The following CNST variants were observed in gnomAD, a reference collection of about 807,000 sequenced individuals.
CNST encodes consortin.
A neutral mutation model predicts 72.4 loss-of-function variants in CNST; 39 were observed. The observed-to-expected ratio is 0.54, with a 90% CI of 0.42 to 0.70. CNST has a LOEUF of 0.70. Among genes scored for constraint, CNST ranks in the 30% least tolerant of loss-of-function variants. The probability of loss-of-function intolerance (pLI) is 0.00; values close to 1 mark genes in which losing one functional copy is unlikely to be tolerated. For synonymous variants in CNST, 332 were observed against 320.1 expected, an observed-to-expected ratio of 1.04 and a Z score of -0.40; for missense variants, 871 against 868.5, an observed-to-expected ratio of 1.00 and a Z score of -0.04.
intron 1 of CNST, among the ~76,000 whole-genome samples, chr1:246,590,944 A>G (rs140632028): frequency 0.013 from 1,938 of 152,166 alleles, 16 homozygotes; most frequent in Middle Eastern, 0.027. Context: ...GGAAATAAAA[A>G]ATAAAACGAT....
At chr1:246,615,613 T>A (rs1412003474) in intron 2 of CNST, among the ~76,000 whole-genome samples, 1 of 141,214 alleles carries the variant, frequency 7.1e-6, no homozygotes, top group Non-Finnish European at 1.5e-5. Flanking sequence ...GCACGGTGGC[T>A]CACGCCTGTA....
intron 1 of CNST, among the ~76,000 whole-genome samples, chr1:246,573,747 T>C (rs564913094): frequency 5.3e-5 from 8 of 152,364 alleles, no homozygotes; most frequent in Admixed American, 4.6e-4. Context: ...TCTAAGAATA[T>C]CTGTTTTGTA....
intron 8 of CNST, among the ~76,000 whole-genome samples, chr1:246,645,453 A>G (rs1327205876): frequency 2.6e-5 from 3 of 115,784 alleles, no homozygotes; most frequent in African/African-American, 1.1e-4. Flanking sequence ...TTTGAGATGG[A>G]GTCTCGCTCT....
chr1:246,571,430 G>T (rs1660061273), intron 1 of CNST, among the ~76,000 whole-genome samples: 1 of 152,200 alleles, frequency 6.6e-6, no homozygotes, highest in Non-Finnish European at 1.5e-5. Context: ...GATTAAAGGC[G>T]TGAGCCACTG....
At chr1:246,650,968 A>G (rs1410733044) in intron 9 of CNST, among the ~76,000 whole-genome samples, 4 of 152,064 alleles carry the variant, frequency 2.6e-5, no homozygotes, top group African/African-American at 9.7e-5. Context: ...TTGAGCTACC[A>G]TGCTTGGCCT....
intron 10 of CNST, among the ~76,000 whole-genome samples, chr1:246,664,898 T>G (rs1667325223): frequency 6.6e-6 from 1 of 152,214 alleles, no homozygotes; most frequent in African/African-American, 2.4e-5. Context: ...AAATTATGAA[T>G]AATTAAGATA....
chr1:246,606,646 G>C (rs1401323932), intron 2 of CNST: 1 of 151,046 alleles, frequency 6.6e-6, no homozygotes, highest in African/African-American at 2.4e-5. Flanking sequence ...ATAACCCCGT[G>C]AACCATCCTC....
chr1:246,611,834 T>C (rs1267033439), intron 2 of CNST, among the ~76,000 whole-genome samples: 2 of 152,302 alleles, frequency 1.3e-5, no homozygotes, highest in East Asian at 1.9e-4. Flanking sequence ...AATCCAGATG[T>C]CCATCAACTG....
intron 6 of CNST, among the ~76,000 whole-genome samples, chr1:246,639,127 A>G (rs1316320026): frequency 6.6e-6 from 1 of 152,050 alleles, no homozygotes; most frequent in Non-Finnish European, 1.5e-5. Flanking sequence ...GAGGTAGGCA[A>G]CAATCTGGAG....
chr1:246,655,114 A>G (rs1173715140), intron 9 of CNST, among the ~76,000 whole-genome samples: 2 of 152,094 alleles, frequency 1.3e-5, no homozygotes, highest in East Asian at 1.9e-4. Context: ...TTCTTTTTCT[A>G]TTTTGTACTT....
intron 2 of CNST, among the ~76,000 whole-genome samples, chr1:246,608,715 G>C (rs1663096068): frequency 6.6e-6 from 1 of 152,168 alleles, no homozygotes; most frequent in African/African-American, 2.4e-5. Context: ...AGCAGCCTAA[G>C]GGAGCTCTTG....
intron 2 of CNST, among the ~76,000 whole-genome samples, chr1:246,614,556 C>T (rs1180658911): frequency 1.3e-5 from 2 of 151,248 alleles, no homozygotes; most frequent in African/African-American, 2.4e-5. Context: ...TCTACAACCT[C>T]CACTTCCTGG....
rs530926494 is a variant in CNST at position 246,666,036 on chromosome 1, A to C, written c.*131A>C. 1 of 644,658 alleles carries C rather than the reference A, an allele frequency of 1.6e-6. No homozygotes were observed. Among genetic ancestry groups the C allele is most frequent in the East Asian group, 2.7e-5 (1 of 36,470 alleles). 39.9% of individuals were successfully genotyped at this position (644,658 alleles called of 1,614,324 possible). On this transcript the variant is annotated 3_prime_UTR_variant, in exon 11 of 11. Transcript: ENST00000366513. ...GGAACCAAGGACATCAGAAATAGCA[A>C]CTTTAAGTGGCAAGCCGGAGGAACT...
chr1:246,607,466 C>A (rs1259673560), intron 2 of CNST: 1 of 152,250 alleles, frequency 6.6e-6, no homozygotes, highest in Non-Finnish European at 1.5e-5. Flanking sequence ...GGGAGTTAAC[C>A]CCGGGAGCGC....
chr1:246,642,076 T>TA (rs1468239915), intron 8 of CNST, 39 bp downstream of exon 8: 2 of 1,109,918 alleles, frequency 1.8e-6, no homozygotes, highest in Admixed American at 2.2e-5. Flanking sequence ...ACGTAAAAGA[T>TA]ACCTGCCTCT....
At chr1:246,603,081 A>G (rs776345092) in intron 2 of CNST, among the ~76,000 whole-genome samples, 4 of 152,194 alleles carry the variant, frequency 2.6e-5, no homozygotes, top group Non-Finnish European at 5.9e-5. Context: ...GTGAAGAAAA[A>G]TTAAGAAATC....
chr1:246,581,617 A>T (rs1278540223), intron 1 of CNST, among the ~76,000 whole-genome samples: 3 of 152,358 alleles, frequency 2.0e-5, no homozygotes, highest in East Asian at 3.9e-4. Context: ...ATGGTTGCTT[A>T]AAAACATTCC....
At chr1:246,596,285 C>T (rs1318146204) in intron 2 of CNST, among the ~76,000 whole-genome samples, 2 of 151,750 alleles carry the variant, frequency 1.3e-5, no homozygotes, top group East Asian at 3.9e-4. Flanking sequence ...CATGGTGGCA[C>T]GTGCCTGTAG....
At chr1:246,625,008 T>C (rs907195172) in intron 3 of CNST, among the ~76,000 whole-genome samples, 10 of 152,174 alleles carry the variant, frequency 6.6e-5, no homozygotes, top group South Asian at 4.1e-4. Context: ...ATTGAAACAG[T>C]TGAAAGTAAT....
Sources: allele counts gnomAD v4.1 joint callset (sites outside exome capture counted in the v4.1 genomes callset), GRCh38; gene constraint gnomAD v4.1.1; transcripts MANE v1.5; gene names NCBI Gene and HGNC (gene_info 2026-07-23, HGNC 2026-07-21).